SETMAR: variants seen among roughly 807,000 people sequenced by gnomAD.
The protein encoded by SETMAR is histone-lysine N-methyltransferase SETMAR.
A neutral mutation model predicts 58.4 loss-of-function variants in SETMAR; 44 were observed. That is an observed-to-expected ratio of 0.75 (90% CI 0.59 to 0.97). The LOEUF (loss-of-function observed/expected upper bound fraction) is 0.97, where lower values mean the gene tolerates loss of function less well. Among genes scored for constraint, SETMAR ranks in the 50% least tolerant of loss-of-function variants. SETMAR has a pLI of 0.00. For missense variants in SETMAR, 903 were observed against 840.2 expected (o/e 1.07, Z -0.92); for synonymous variants, 332 against 307.4 (o/e 1.08, Z -0.84).
rs1426526420 is a variant in SETMAR at position 4,313,098 on chromosome 3, T to C, written c.357T>C (p.Asn119=). ...GKYAEPVFEC[N]VLCRCSDHCR... ...ATGCAGAGCCTGTTTTTGAATGCAA[T>C]GTCCTGTGCCGATGCAGTGACCACT... The change falls in exon 2 of 3, where the codon AAT becomes AAC. Residue 119 remains asparagine (N), a synonymous_variant. Transcript: ENST00000358065. 4 of 1,613,992 alleles carry C rather than the reference T, an allele frequency of 2.5e-6. No homozygotes were observed. The highest frequency in any genetic ancestry group is 1.1e-5 in the South Asian group (1 of 91,078).
At position 4,316,560 on chromosome 3, in the gene SETMAR, G is replaced by A. The variant is rs372601584; in HGVS notation, c.1369G>A (p.Asp457Asn). The change falls in exon 3 of 3, where the codon GAT becomes AAT. Residue 457 changes from aspartate (D) to asparagine (N), a missense_variant. Physicochemically the swap from Asp to Asn is conservative, Grantham distance 23 (BLOSUM62 1). Transcript: ENST00000358065. ...LKQIGKVKKLDKWVPHELTEN... is the reference protein window; with the variant it reads ...LKQIGKVKKLNKWVPHELTEN... ...GCAAATTGGAAAGGTGAAAAAGCTC[G>A]ATAAGTGGGTGCCTCATGAGCTGAC... 26 of 1,555,060 alleles carry A rather than the reference G, an allele frequency of 1.7e-5. No homozygotes were observed. The highest frequency in any genetic ancestry group is 5.8e-5 in the Admixed American group (3 of 51,634).
intron 2 of SETMAR, 142 bp from the exon 3 acceptor site, chr3:4,316,069 GT>G: frequency 2.8e-6 from 1 of 353,532 alleles, no homozygotes; most frequent in South Asian, 4.7e-5. Flanking sequence ...AAAAAAAAAA[GT>G]AACAGTTTTT....
chr3:4,317,253 T>A lies in SETMAR; in HGVS notation c.*7T>A. 1.3e-6 allele frequency: 2 copies of A among 1,518,506 alleles called. No homozygotes were observed. The highest frequency in any genetic ancestry group is 1.8e-6 in the Non-Finnish European group (2 of 1,131,150). The allele number at this position is 1,518,506 out of a possible 1,614,324, so 94.1% of individuals were successfully genotyped here. ...TGGTTCCTATTTTGATTAATAAAAATGCGTTGAGCCTAGTTATAATGATTT... is the reference window on the plus strand; with the variant it reads ...TGGTTCCTATTTTGATTAATAAAAAAGCGTTGAGCCTAGTTATAATGATTT... On this transcript the variant is annotated 3_prime_UTR_variant, in exon 3 of 3. Coordinates refer to ENST00000358065, the MANE Select transcript of SETMAR (RefSeq NM_006515.4).
intron 2 of SETMAR, among the ~76,000 whole-genome samples, chr3:4,314,992 C>T (rs1042548043): frequency 2.0e-5 from 3 of 152,046 alleles, no homozygotes; most frequent in East Asian, 1.9e-4. Context: ...AAATATACAG[C>T]GTGTGAATTA....
chr3:4,310,165 G>C lies in SETMAR; in HGVS notation c.157-2733G>C, dbSNP rs112958687. Among the ~76,000 whole-genome samples, 103 of 152,192 alleles carry C rather than the reference G, an allele frequency of 6.8e-4. 2 individuals carry two copies. The highest frequency in any genetic ancestry group is 2.3e-3 in the African/African-American group (97 of 41,522). On this transcript the variant is annotated intron_variant, in intron 1 of 2. Coordinates refer to ENST00000358065, the MANE Select transcript of SETMAR (RefSeq NM_006515.4). Reference sequence around the variant, plus strand: ...CATTGTATATGCATATATGTGGTCTGACCAAAAAGTCATTATGCAGCACAT... The same window carrying C: ...CATTGTATATGCATATATGTGGTCTCACCAAAAAGTCATTATGCAGCACAT...
intron 1 of SETMAR, among the ~76,000 whole-genome samples, chr3:4,308,210 G>A (rs1405036249): frequency 6.6e-6 from 1 of 152,144 alleles, no homozygotes; most frequent in African/African-American, 2.4e-5. Context: ...CAGTCCGATG[G>A]CTTCCTAGAC....
chr3:4,308,234 G>C (rs773395499), intron 1 of SETMAR, among the ~76,000 whole-genome samples: 1 of 152,158 alleles, frequency 6.6e-6, no homozygotes, highest in South Asian at 2.1e-4. Flanking sequence ...ATTTTGGTTT[G>C]AATATGTTTG....
At chr3:4,303,749 T>G (rs1316492374) in intron 1 of SETMAR, 6 of 1,480,674 alleles carry the variant, frequency 4.1e-6, no homozygotes, top group Non-Finnish European at 5.4e-6. Flanking sequence ...GTCCATTCCC[T>G]GAAGCGCAGA....
In SETMAR at chr3:4,316,346, A is replaced by G. The variant is rs749660474; in HGVS notation, c.1155A>G (p.Thr385=). The G allele has an allele frequency of 2.5e-5, 36 of 1,459,968 alleles. No homozygotes were observed. The highest frequency in any genetic ancestry group is 3.4e-5 in the Non-Finnish European group (36 of 1,070,672). 90.4% of individuals were successfully genotyped at this position (1,459,968 alleles called of 1,614,324 possible). ...AFGPGTANER[T]VQWWFKKFCK... ...GCCCAGGAACTGCTAACGAACGTAC[A>G]GTGCAGTGGTGGTTCAAGAAGTTTT... The change falls in exon 3 of 3, where the codon ACA becomes ACG. Residue 385 remains threonine (T), a synonymous_variant. Coordinates refer to ENST00000358065, the MANE Select transcript of SETMAR (RefSeq NM_006515.4).
intron 1 of SETMAR, among the ~76,000 whole-genome samples, chr3:4,309,552 C>A (rs576962296): frequency 6.6e-6 from 1 of 152,074 alleles, no homozygotes; most frequent in Non-Finnish European, 1.5e-5. Flanking sequence ...CAGAAAAGTC[C>A]AAGTGGTAAC....
At chr3:4,308,456 C>G (rs1270722691) in intron 1 of SETMAR, among the ~76,000 whole-genome samples, 1 of 152,182 alleles carries the variant, frequency 6.6e-6, no homozygotes, top group Non-Finnish European at 1.5e-5. Flanking sequence ...TTAAATATAA[C>G]ATCTAAAAGT....
intron 1 of SETMAR, among the ~76,000 whole-genome samples, chr3:4,304,976 G>A (rs73026628): frequency 0.037 from 5,656 of 151,676 alleles, 152 homozygotes; most frequent in Non-Finnish European, 0.057. Flanking sequence ...AAGTGGTGGG[G>A]GGGGCTTCCA....
At position 4,317,042 on chromosome 3, in the gene SETMAR, TG is replaced by T; in HGVS notation, c.1852del (p.Asp618ThrfsTer48). 1 of 1,549,398 alleles carries T rather than the reference TG, an allele frequency of 6.5e-7. No homozygotes were observed. The highest frequency in any genetic ancestry group is 8.7e-7 in the Non-Finnish European group (1 of 1,146,714). On this transcript the variant is annotated frameshift_variant, in exon 3 of 3. Transcript: ENST00000358065. LOFTEE classifies it high-confidence loss of function. The stretch of plus-strand genomic sequence containing the variant: ...TTTTGCCTCATCCACCGTATTCACC[TG>T]ACCTCTTGCCAACCAACTACCACGT... ...EVLPHPPYSP[D>X]LLPTNYHVFK...
In SETMAR at chr3:4,313,498, G is replaced by C. The variant is rs746621311; in HGVS notation, c.757G>C (p.Val253Leu). 66 of 1,613,780 alleles carry C rather than the reference G, an allele frequency of 4.1e-5. No homozygotes were observed. In the South Asian group the frequency reaches 7.0e-4, roughly 17 times the overall value. ...KLALFAAKDIVPEEELSYDYS... is the reference protein window; with the variant it reads ...KLALFAAKDILPEEELSYDYS... ...GGCACTTTTTGCAGCCAAAGATATT[G>C]TGCCAGAAGAAGAACTCTCTTATGA... Residue 253 changes from valine to leucine, a missense_variant, in exon 2 of 3, where the codon GTG becomes CTG. Physicochemically the swap from Val to Leu is conservative, Grantham distance 32 (BLOSUM62 1). Coordinates refer to ENST00000358065, the MANE Select transcript of SETMAR (RefSeq NM_006515.4).
chr3:4,316,840 C>T lies in SETMAR; in HGVS notation c.1649C>T (p.Pro550Leu), dbSNP rs1160727787. 1.3e-6 allele frequency: 2 copies of T among 1,550,090 alleles called. No homozygotes were observed. Among genetic ancestry groups the T allele is most frequent in the Non-Finnish European group, 8.7e-7 (1 of 1,146,712 alleles). Reference protein sequence around the residue: ...AGLIHYSFLNPGETITSEKYA... With the variant: ...AGLIHYSFLNLGETITSEKYA... ...CTGATCCACTACAGCTTTCTGAATC[C>T]CGGTGAAACCATTACATCTGAGAAG... Residue 550 changes from proline (P) to leucine (L), a missense_variant, in exon 3 of 3, where the codon CCC (proline) becomes CTC (leucine). By Grantham distance (98) the Pro-to-Leu change is moderately conservative. Transcript: ENST00000358065.
chr3:4,316,107 T>C (rs1698631986), intron 2 of SETMAR, 105 bp from the exon 3 acceptor site: 3 of 548,858 alleles, frequency 5.5e-6, no homozygotes, highest in Non-Finnish European at 9.7e-6. Flanking sequence ...GTATTTGATA[T>C]TGGAATACAT....
At chr3:4,309,042 A>G (rs1221715661) in intron 1 of SETMAR, among the ~76,000 whole-genome samples, 2 of 152,228 alleles carry the variant, frequency 1.3e-5, no homozygotes, top group Non-Finnish European at 2.9e-5. Flanking sequence ...AAGACAGGAC[A>G]GTTGGAAGCA....
At chr3:4,306,281 T>C (rs1460842087) in intron 1 of SETMAR, among the ~76,000 whole-genome samples, 1 of 152,250 alleles carries the variant, frequency 6.6e-6, no homozygotes, top group Admixed American at 6.5e-5. Context: ...AAGCGTTAAA[T>C]TATTTAAAAA....
rs967729045 is a variant in SETMAR, at chr3:4,316,952, C to A, written c.1761C>A (p.His587Gln). Residue 587 changes from histidine (H) to glutamine (Q), a missense_variant, in exon 3 of 3, where the codon CAC (histidine) becomes CAA (glutamine). Transcript: ENST00000358065. Reference sequence around the variant, plus strand: ...ACAGAAAGGGCCCAATTCTTCTCCACGACAATGCCCGACCGCATGTTGCAC... The same window carrying A: ...ACAGAAAGGGCCCAATTCTTCTCCAAGACAATGCCCGACCGCATGTTGCAC... Reference protein sequence around the residue: ...LVNRKGPILLHDNARPHVAQP... With the variant: ...LVNRKGPILLQDNARPHVAQP... 1.9e-6 allele frequency: 3 copies of A among 1,549,374 alleles called. No homozygotes were observed. The highest frequency in any genetic ancestry group is 2.6e-6 in the Non-Finnish European group (3 of 1,146,738).
Sources: allele counts gnomAD v4.1 joint callset (sites outside exome capture counted in the v4.1 genomes callset), GRCh38; gene constraint gnomAD v4.1.1; transcripts MANE v1.5; gene names NCBI Gene and HGNC (gene_info 2026-07-23, HGNC 2026-07-21).